Variants in GRID2 observed in about 807,000 individuals in gnomAD.
GRID2 encodes glutamate receptor ionotropic, delta-2.
In GRID2, 33 loss-of-function variants were observed where a neutral mutation model predicts 114.8. The ratio of observed to expected loss-of-function variants is 0.29; its 90% CI spans 0.22 to 0.38. The LOEUF (loss-of-function observed/expected upper bound fraction) is 0.38, where lower values mean the gene tolerates loss of function less well. GRID2 is among the 10% of genes least tolerant of loss of function. GRID2 has a pLI of 1.00. For synonymous variants in GRID2, 505 were observed against 449.9 expected, an observed-to-expected ratio of 1.12 and a Z score of -1.55; for missense variants, 1,184 against 1,257.7, an observed-to-expected ratio of 0.94 and a Z score of 0.89.
intron 1 of GRID2, among the ~76,000 whole-genome samples, chr4:92,574,089 G>A (rs1414011183): frequency 2.0e-5 from 3 of 151,940 alleles, no homozygotes; most frequent in Non-Finnish European, 4.4e-5. Flanking sequence ...TTCTTTGTTG[G>A]TTTAAAGTCT....
intron 8 of GRID2, among the ~76,000 whole-genome samples, chr4:93,338,919 C>T (rs6827494): frequency 0.25 from 38,321 of 151,922 alleles, 8,119 homozygotes; most frequent in African/African-American, 0.58. Context: ...CAATAGGAAA[C>T]AATTGTATGT....
At chr4:92,381,238 G>A (rs1450746016) in intron 1 of GRID2, among the ~76,000 whole-genome samples, 1 of 152,064 alleles carries the variant, frequency 6.6e-6, no homozygotes, top group Admixed American at 6.6e-5. Flanking sequence ...GTTGCCAGGT[G>A]ACGGAGTGAC....
chr4:92,470,697 A>G (rs1311020534), intron 1 of GRID2, among the ~76,000 whole-genome samples: 1 of 152,046 alleles, frequency 6.6e-6, no homozygotes, highest in African/African-American at 2.4e-5. Flanking sequence ...GACTGCAATC[A>G]TTCAGAATTA....
chr4:92,555,819 T>C (rs1320611712), intron 1 of GRID2, among the ~76,000 whole-genome samples: 3 of 152,148 alleles, frequency 2.0e-5, no homozygotes, highest in Non-Finnish European at 4.4e-5. Flanking sequence ...TTATTTTGAT[T>C]TCTTTTTTCC....
intron 2 of GRID2, among the ~76,000 whole-genome samples, chr4:92,751,475 T>C (rs1297558404): frequency 1.3e-5 from 2 of 152,156 alleles, no homozygotes; most frequent in Admixed American, 1.3e-4. Flanking sequence ...CCAAAAAGGC[T>C]GTTTGATTTA....
chr4:93,152,529 T>C (rs1027820429), intron 4 of GRID2, among the ~76,000 whole-genome samples: 2 of 152,130 alleles, frequency 1.3e-5, no homozygotes, highest in Non-Finnish European at 2.9e-5. Context: ...CAGCTTAAAT[T>C]GAACAGGTGG....
chr4:92,780,544 A>G (rs1041576787), intron 2 of GRID2, among the ~76,000 whole-genome samples: 6 of 152,276 alleles, frequency 3.9e-5, no homozygotes, highest in Non-Finnish European at 5.9e-5. Flanking sequence ...CATTTAAACA[A>G]TAAGGAAGGG....
At chr4:93,272,148 TA>T (rs1200099779) in intron 8 of GRID2, among the ~76,000 whole-genome samples, 1 of 152,156 alleles carries the variant, frequency 6.6e-6, no homozygotes, top group Non-Finnish European at 1.5e-5. Flanking sequence ...ATTCATTCAG[TA>T]AAAATTATTG....
chr4:93,711,631 G>A (rs1028273071), intron 14 of GRID2, among the ~76,000 whole-genome samples: 11 of 152,068 alleles, frequency 7.2e-5, no homozygotes, highest in African/African-American at 2.4e-4. Flanking sequence ...CTCTGTGTGC[G>A]CCAGCTGAAT....
At chr4:92,815,036 A>G (rs941521188) in intron 2 of GRID2, among the ~76,000 whole-genome samples, 8 of 152,156 alleles carry the variant, frequency 5.3e-5, no homozygotes, top group Non-Finnish European at 1.0e-4. Context: ...GTGATAATCA[A>G]TGTATTCATA....
chr4:92,668,345 T>C (rs1732887594), intron 2 of GRID2, among the ~76,000 whole-genome samples: 1 of 151,744 alleles, frequency 6.6e-6, no homozygotes, highest in Non-Finnish European at 1.5e-5. Context: ...TTTATAGAAG[T>C]TAGAAATGTA....
At chr4:92,612,414 A>G (rs373329751) in intron 2 of GRID2, among the ~76,000 whole-genome samples, 111 of 151,234 alleles carry the variant, frequency 7.3e-4, no homozygotes, top group Non-Finnish European at 1.1e-3. Flanking sequence ...CTTTCTACCG[A>G]CTTATTTTTG....
chr4:92,661,202 A>C (rs1173237731), intron 2 of GRID2, among the ~76,000 whole-genome samples: 1 of 151,018 alleles, frequency 6.6e-6, no homozygotes, highest in Non-Finnish European at 1.5e-5. Flanking sequence ...AAGTTAGAAC[A>C]TTTAAAAACT....
intron 13 of GRID2, among the ~76,000 whole-genome samples, chr4:93,614,007 T>A (rs1459498198): frequency 2.0e-5 from 3 of 152,018 alleles, no homozygotes; most frequent in Non-Finnish European, 4.4e-5. Context: ...TGGGATATAG[T>A]CTCGTGGTGC....
intron 13 of GRID2, among the ~76,000 whole-genome samples, chr4:93,616,371 C>G (rs973968533): frequency 6.6e-6 from 1 of 151,732 alleles, no homozygotes; most frequent in Admixed American, 6.6e-5. Context: ...TTGCAAAACC[C>G]TGTCTCTACC....
intron 2 of GRID2, among the ~76,000 whole-genome samples, chr4:92,845,630 G>A (rs1049927831): frequency 3.3e-5 from 5 of 152,016 alleles, no homozygotes; most frequent in Admixed American, 6.6e-5. Context: ...CACTCCCTAC[G>A]AGTCCAATGG....
intron 2 of GRID2, among the ~76,000 whole-genome samples, chr4:92,971,244 G>A (rs1345256727): frequency 2.0e-5 from 3 of 151,902 alleles, no homozygotes. Context: ...AACCACTAAA[G>A]AATTTTCTTA....
At chr4:92,327,430 C>T (rs1443227565) in intron 1 of GRID2, among the ~76,000 whole-genome samples, 11 of 151,828 alleles carry the variant, frequency 7.2e-5, no homozygotes, top group Non-Finnish European at 1.5e-5. Context: ...TCACTCAGAT[C>T]CCCATTTTAG....
intron 14 of GRID2, among the ~76,000 whole-genome samples, chr4:93,704,294 C>A (rs1253280908): frequency 7.9e-5 from 12 of 152,130 alleles, no homozygotes; most frequent in African/African-American, 2.4e-4. Flanking sequence ...TAAATGTCTT[C>A]TTTTAAGAAG....
Sources: allele counts gnomAD v4.1 joint callset (sites outside exome capture counted in the v4.1 genomes callset), GRCh38; gene constraint gnomAD v4.1.1; transcripts MANE v1.5; gene names NCBI Gene and HGNC (gene_info 2026-07-23, HGNC 2026-07-21).